Variants in C10orf90 observed in about 807,000 individuals in gnomAD.
The protein encoded by C10orf90 is chromosome 10 open reading frame 90, also known as (E2-independent) E3 ubiquitin-conjugating enzyme FATS.
C10orf90 carries 56 observed loss-of-function variants against 62.5 expected under a neutral mutation model. That is an observed-to-expected ratio of 0.90 (90% CI 0.72 to 1.12). The LOEUF (loss-of-function observed/expected upper bound fraction) is 1.12. Among genes scored for constraint, C10orf90 ranks in the 50% most tolerant of loss-of-function variants. C10orf90 has a pLI of 0.00. For synonymous variants in C10orf90, 386 were observed against 340.4 expected (o/e 1.13, Z -1.47); for missense variants, 970 against 880.4 (o/e 1.10, Z -1.29).
chr10:126,474,266 G>A (rs1374797572), intron 4 of C10orf90, among the ~76,000 whole-genome samples: 7 of 152,194 alleles, frequency 4.6e-5, no homozygotes, highest in Non-Finnish European at 7.3e-5. Context: ...CACGGGTGCT[G>A]AAAGGAGTGG....
intron 2 of C10orf90, among the ~76,000 whole-genome samples, chr10:126,618,440 T>C (rs1014071958): frequency 7.2e-5 from 11 of 152,212 alleles, no homozygotes; most frequent in South Asian, 6.2e-4. Context: ...ATTTGAAGCA[T>C]CCTTATTCTC....
At chr10:126,577,528 CA>C (rs1332888778) in intron 2 of C10orf90, among the ~76,000 whole-genome samples, 2 of 151,940 alleles carry the variant, frequency 1.3e-5, no homozygotes, top group Non-Finnish European at 2.9e-5. Context: ...AGACAAAACA[CA>C]AATAAATGGA....
chr10:126,429,671 C>T, intron 8 of C10orf90, 116 bp downstream of exon 8: 2 of 789,730 alleles, frequency 2.5e-6, no homozygotes, highest in Non-Finnish European at 4.3e-6. Flanking sequence ...GCCAAAAAGA[C>T]CTCAGACCTT....
chr10:126,565,409 A>T (rs55978901), intron 2 of C10orf90, among the ~76,000 whole-genome samples: 3 of 13,842 alleles, frequency 2.2e-4, no homozygotes, highest in East Asian at 2.2e-3. Flanking sequence ...ATTATATATA[A>T]TATATATTAT....
At chr10:126,564,000 G>A (rs1290811173) in intron 2 of C10orf90, among the ~76,000 whole-genome samples, 1 of 152,130 alleles carries the variant, frequency 6.6e-6, no homozygotes, top group Non-Finnish European at 1.5e-5. Flanking sequence ...GAAGTTAGCA[G>A]CATCCGTGGC....
In C10orf90 at chr10:126,663,069, TCTGTCTGCTCCA is replaced by T. The variant is rs1846550627; in HGVS notation, c.240+7160_240+7171del. Reference sequence around the variant, plus strand: ...GCCAGCCCAGGTGTTTCCTCTTTAATCTGTCTGCTCCACTAGAGGAGGAAGAGGACCTAGAGT... The same window carrying T: ...GCCAGCCCAGGTGTTTCCTCTTTAATCTAGAGGAGGAAGAGGACCTAGAGT... On this transcript the variant is annotated intron_variant, in intron 1 of 9. Transcript: ENST00000488181. Among the ~76,000 whole-genome samples, 3 of 152,188 alleles carry T rather than the reference TCTGTCTGCTCCA, an allele frequency of 2.0e-5. No individual in the cohort carries two copies. In the South Asian group the frequency reaches 6.2e-4, roughly 31 times the overall value.
chr10:126,501,191 G>A (rs986224980), intron 4 of C10orf90, among the ~76,000 whole-genome samples: 2 of 152,194 alleles, frequency 1.3e-5, no homozygotes, highest in Non-Finnish European at 2.9e-5. Flanking sequence ...TAAAGGTTTT[G>A]TGGAATCTGA....
At chr10:126,595,688 C>T (rs1845070124) in intron 2 of C10orf90, among the ~76,000 whole-genome samples, 1 of 152,052 alleles carries the variant, frequency 6.6e-6, no homozygotes, top group African/African-American at 2.4e-5. Flanking sequence ...AGAGACTAGA[C>T]AGGATTCTAA....
At chr10:126,572,947 A>G (rs911245420) in intron 2 of C10orf90, among the ~76,000 whole-genome samples, 1 of 152,120 alleles carries the variant, frequency 6.6e-6, no homozygotes, top group Non-Finnish European at 1.5e-5. Flanking sequence ...CCATAAAAAC[A>G]GTCAACTCTG....
chr10:126,552,889 CAG>C (rs964492877), intron 2 of C10orf90, among the ~76,000 whole-genome samples: 2 of 152,338 alleles, frequency 1.3e-5, no homozygotes, highest in Non-Finnish European at 2.9e-5. Context: ...GGAAAACACT[CAG>C]AATGCCACTG....
intron 3 of C10orf90, 77 bp downstream of exon 3, chr10:126,513,771 C>A (rs1304548042): frequency 4.0e-5 from 36 of 890,662 alleles, no homozygotes; most frequent in South Asian, 2.6e-4. Context: ...GCAATCACAT[C>A]ACAAGTAGGT....
chr10:126,553,714 C>A (rs1864691357), intron 2 of C10orf90, among the ~76,000 whole-genome samples: 1 of 152,022 alleles, frequency 6.6e-6, no homozygotes, highest in Non-Finnish European at 1.5e-5. Flanking sequence ...TAGGCTATAC[C>A]ATCTAGGTTT....
chr10:126,428,800 T>G (rs1857405601), intron 8 of C10orf90, among the ~76,000 whole-genome samples: 1 of 152,148 alleles, frequency 6.6e-6, no homozygotes, highest in South Asian at 2.1e-4. Context: ...ACTTCTGAAA[T>G]AGCAAGTCTT....
At chr10:126,452,462 A>G (rs776652056) in intron 7 of C10orf90, among the ~76,000 whole-genome samples, 2 of 152,188 alleles carry the variant, frequency 1.3e-5, no homozygotes, top group Non-Finnish European at 2.9e-5. Context: ...GTAGATTTAT[A>G]TCTGTGGTGT....
At chr10:126,514,346 A>AT (rs1564848837) in intron 2 of C10orf90, among the ~76,000 whole-genome samples, 1 of 152,220 alleles carries the variant, frequency 6.6e-6, no homozygotes, top group East Asian at 1.9e-4. Context: ...CAGCCTCTTA[A>AT]TGCAACCATC....
chr10:126,622,251 C>A (rs1261450486), intron 2 of C10orf90, among the ~76,000 whole-genome samples: 1 of 152,142 alleles, frequency 6.6e-6, no homozygotes, highest in Non-Finnish European at 1.5e-5. Context: ...GGAAACTCCA[C>A]ATCCACCAAC....
chr10:126,668,975 T>G (rs1035269828), intron 1 of C10orf90, among the ~76,000 whole-genome samples: 2 of 151,574 alleles, frequency 1.3e-5, no homozygotes, highest in African/African-American at 4.9e-5. Context: ...ATCTACCATT[T>G]GCTACATAGG....
At chr10:126,556,713 C>T (rs1864781428) in intron 2 of C10orf90, among the ~76,000 whole-genome samples, 3 of 152,008 alleles carry the variant, frequency 2.0e-5, no homozygotes, top group Admixed American at 2.0e-4. Context: ...TAAATCGTGA[C>T]CTTGGATTCT....
At chr10:126,561,732 G>A (rs187687773) in intron 2 of C10orf90, among the ~76,000 whole-genome samples, 119 of 152,166 alleles carry the variant, frequency 7.8e-4, no homozygotes, top group African/African-American at 2.5e-3. Flanking sequence ...GAGAATCAGG[G>A]AACAGAGAGG....
Sources: allele counts gnomAD v4.1 joint callset (sites outside exome capture counted in the v4.1 genomes callset), GRCh38; gene constraint gnomAD v4.1.1; transcripts MANE v1.5; gene names NCBI Gene and HGNC (gene_info 2026-07-23, HGNC 2026-07-21).